Variants in ASB3 observed in about 807,000 individuals in gnomAD.
ASB3 encodes ankyrin repeat and SOCS box protein 3.
Under a neutral mutation model 54.5 loss-of-function variants are expected in ASB3, and 41 were observed. The observed-to-expected ratio is 0.75, with a 90% CI of 0.59 to 0.98. ASB3 has a LOEUF of 0.98. ASB3 is among the 50% of genes least tolerant of loss of function. The pLI, the probability that ASB3 is intolerant of heterozygous loss-of-function variation, is 0.00. For missense variants in ASB3, 733 were observed against 620.0 expected (o/e 1.18, Z -1.94); for synonymous variants, 266 against 221.2 (o/e 1.20, Z -1.80).
intron 2 of ASB3, among the ~76,000 whole-genome samples, chr2:53,754,053 G>C (rs1226236463): frequency 3.9e-5 from 6 of 152,000 alleles, no homozygotes; most frequent in Non-Finnish European, 8.8e-5. Flanking sequence ...GCACACTGTA[G>C]GTCCAAAAAG....
At chr2:53,725,909 G>A (rs1670967509) in intron 5 of ASB3, among the ~76,000 whole-genome samples, 1 of 152,040 alleles carries the variant, frequency 6.6e-6, no homozygotes. Context: ...ACTGAAAAGA[G>A]ACTAAGTCAA....
At chr2:53,705,113 T>A (rs1669699624) in intron 7 of ASB3, among the ~76,000 whole-genome samples, 1 of 152,170 alleles carries the variant, frequency 6.6e-6, no homozygotes, top group South Asian at 2.1e-4. Context: ...TAGAATAAGG[T>A]GTTGCCCAAT....
intron 3 of ASB3, among the ~76,000 whole-genome samples, chr2:53,750,475 C>A (rs1465712932): frequency 6.6e-6 from 1 of 152,074 alleles, no homozygotes; most frequent in East Asian, 1.9e-4. Context: ...AACCTTGCAA[C>A]TACTGCTACA....
intron 2 of ASB3, among the ~76,000 whole-genome samples, chr2:53,760,978 TC>T (rs1673111584): frequency 6.6e-6 from 1 of 152,126 alleles, no homozygotes; most frequent in Non-Finnish European, 1.5e-5. Context: ...TTGAAGGCAC[TC>T]CTCCTGATGA....
At chr2:53,777,757 A>T (rs1674423260) in intron 1 of ASB3, among the ~76,000 whole-genome samples, 1 of 152,214 alleles carries the variant, frequency 6.6e-6, no homozygotes. Context: ...GAGGAAATAG[A>T]TGGTATTTTC....
chr2:53,758,466 T>C (rs536686888), intron 2 of ASB3, among the ~76,000 whole-genome samples: 2 of 152,342 alleles, frequency 1.3e-5, no homozygotes, highest in East Asian at 1.9e-4. Flanking sequence ...AGAATTTGCA[T>C]AAGAACTGTT....
chr2:53,767,288 A>G (rs1207857743), intron 1 of ASB3: 1 of 152,230 alleles, frequency 6.6e-6, no homozygotes, highest in Non-Finnish European at 1.5e-5. Flanking sequence ...ACAAGCGTAA[A>G]CTTCTATTGT....
intron 9 of ASB3, among the ~76,000 whole-genome samples, chr2:53,676,005 G>C (rs1453207180): frequency 6.6e-6 from 1 of 152,100 alleles, no homozygotes; most frequent in African/African-American, 2.4e-5. Flanking sequence ...ATACATGGTA[G>C]GTTGCATAGC....
intron 1 of ASB3, among the ~76,000 whole-genome samples, chr2:53,785,206 G>A (rs1409293002): frequency 6.6e-6 from 1 of 152,198 alleles, no homozygotes; most frequent in Non-Finnish European, 1.5e-5. Flanking sequence ...TACAGGTATT[G>A]TCTTTCACAT....
chr2:53,683,720 G>A (rs577960863), intron 9 of ASB3, among the ~76,000 whole-genome samples: 11 of 152,102 alleles, frequency 7.2e-5, no homozygotes, highest in Non-Finnish European at 1.5e-4. Context: ...TGTATGTGTC[G>A]AGGAATTTAT....
chr2:53,784,430 G>A (rs1327620815), intron 1 of ASB3, among the ~76,000 whole-genome samples: 1 of 152,100 alleles, frequency 6.6e-6, no homozygotes, highest in Non-Finnish European at 1.5e-5. Context: ...ACCTTCCTGA[G>A]GCTGCTGTAA....
chr2:53,751,592 A>C (rs1215671575), intron 2 of ASB3, among the ~76,000 whole-genome samples: 1 of 152,220 alleles, frequency 6.6e-6, no homozygotes, highest in Non-Finnish European at 1.5e-5. Context: ...TACACAATAA[A>C]ATTCTATGCC....
intron 9 of ASB3, among the ~76,000 whole-genome samples, chr2:53,693,502 T>A (rs985449821): frequency 3.3e-5 from 5 of 152,106 alleles, no homozygotes; most frequent in African/African-American, 4.8e-5. Context: ...ACAGAGAACA[T>A]AACTCCACAG....
chr2:53,705,401 A>C (rs1442387901), intron 7 of ASB3, among the ~76,000 whole-genome samples: 1 of 152,206 alleles, frequency 6.6e-6, no homozygotes, highest in African/African-American at 2.4e-5. Flanking sequence ...ACACAAAAAA[A>C]ACAAAACTAA....
At chr2:53,772,331 T>C (rs1231712372) in intron 1 of ASB3, among the ~76,000 whole-genome samples, 3 of 152,064 alleles carry the variant, frequency 2.0e-5, no homozygotes, top group East Asian at 1.9e-4. Flanking sequence ...CCCGCCACCA[T>C]GTCTGGCTAA....
At chr2:53,775,850 G>C (rs1182496395) in intron 1 of ASB3, among the ~76,000 whole-genome samples, 1 of 152,138 alleles carries the variant, frequency 6.6e-6, no homozygotes, top group Non-Finnish European at 1.5e-5. Context: ...ATTTTTTTAA[G>C]AAGTGGCATT....
At chr2:53,777,215 A>G (rs899677835) in intron 1 of ASB3, among the ~76,000 whole-genome samples, 3 of 152,156 alleles carry the variant, frequency 2.0e-5, no homozygotes, top group Non-Finnish European at 2.9e-5. Flanking sequence ...TTAACTACAC[A>G]GTGCTTCACT....
intron 5 of ASB3, among the ~76,000 whole-genome samples, chr2:53,727,296 T>A (rs190355573): frequency 6.6e-6 from 1 of 152,170 alleles, no homozygotes; most frequent in South Asian, 2.1e-4. Flanking sequence ...CTACTCTGAC[T>A]TAAGTGTTTG....
At chr2:53,763,220 T>C (rs1451340679) in intron 2 of ASB3, among the ~76,000 whole-genome samples, 9 of 152,104 alleles carry the variant, frequency 5.9e-5, no homozygotes, top group Admixed American at 5.9e-4. Context: ...TAGCCAGGCA[T>C]TGGTGGTGTG....
Sources: allele counts gnomAD v4.1 joint callset (sites outside exome capture counted in the v4.1 genomes callset), GRCh38; gene constraint gnomAD v4.1.1; transcripts MANE v1.5; gene names NCBI Gene and HGNC (gene_info 2026-07-23, HGNC 2026-07-21).